HLCS: variants seen among roughly 807,000 people sequenced by gnomAD.
HLCS encodes the protein holocarboxylase synthetase.
Under a neutral mutation model 75.0 loss-of-function variants are expected in HLCS, and 53 were observed. That is an observed-to-expected ratio of 0.71 (90% confidence interval 0.57 to 0.89). HLCS has a LOEUF of 0.89. HLCS is among the 40% of genes least tolerant of loss of function. The pLI is 0.00. For synonymous variants in HLCS, 431 were observed against 428.6 expected (o/e 1.01, Z -0.07); for missense variants, 966 against 1,074.0 (o/e 0.90, Z 1.41).
intron 6 of HLCS, among the ~76,000 whole-genome samples, chr21:36,858,795 T>C (rs1290867570): frequency 6.6e-6 from 1 of 152,150 alleles, no homozygotes; most frequent in Non-Finnish European, 1.5e-5. Context: ...GGCAAGTGCC[T>C]TCCAGGTGAA....
chr21:36,851,117 A>C (rs1359511605), intron 6 of HLCS, among the ~76,000 whole-genome samples: 1 of 152,200 alleles, frequency 6.6e-6, no homozygotes, highest in Non-Finnish European at 1.5e-5. Flanking sequence ...GAAAGATATT[A>C]GGTTAAGAGC....
chr21:36,834,665 C>A (rs921815501), intron 6 of HLCS, among the ~76,000 whole-genome samples: 1 of 152,226 alleles, frequency 6.6e-6, no homozygotes, highest in Non-Finnish European at 1.5e-5. Context: ...AAGCGAGTCT[C>A]CTGCCTCAGC....
rs556013091 is a variant in HLCS, at chr21:36,936,346, C to T, written c.1437+103G>A. 1.2e-4 allele frequency: 120 copies of T among 1,042,156 alleles called. 1 individual carries two copies. In the African/African-American group the frequency reaches 1.3e-3, roughly 12 times the overall value. The allele number at this position is 1,042,156 out of a possible 1,614,324, so 64.6% of individuals were successfully genotyped here. On this transcript the variant is annotated intron_variant, in intron 4 of 10. Transcript: ENST00000674895. Reference sequence around the variant, plus strand: ...ATAGTCAAAAACAGCCCGCAGCACACGAACTCCTGAAACTTTTAAGCGTGT... The same window carrying T: ...ATAGTCAAAAACAGCCCGCAGCACATGAACTCCTGAAACTTTTAAGCGTGT...
At chr21:36,756,859 T>C in intron 9 of HLCS, 104 bp from the exon 10 acceptor site, 2 of 1,587,046 alleles carry the variant, frequency 1.3e-6, no homozygotes, top group Non-Finnish European at 1.7e-6. Context: ...ACTTCCTCCT[T>C]CCTTGTCCTC....
At chr21:36,824,055 G>A (rs952927355) in intron 6 of HLCS, among the ~76,000 whole-genome samples, 3 of 152,096 alleles carry the variant, frequency 2.0e-5, no homozygotes, top group East Asian at 1.9e-4. Context: ...CGAGGCAGGC[G>A]GATCACCTGA....
chr21:36,969,939 C>A (rs1287588761), upstream of HLCS, among the ~76,000 whole-genome samples: 1 of 152,094 alleles, frequency 6.6e-6, no homozygotes, highest in Non-Finnish European at 1.5e-5. Context: ...CAAGAATGAC[C>A]CAGCTAGCCA....
chr21:36,797,388 TTA>T (rs2061058937), intron 6 of HLCS, among the ~76,000 whole-genome samples: 3 of 151,660 alleles, frequency 2.0e-5, no homozygotes, highest in Admixed American at 2.0e-4. Flanking sequence ...GAAATAATAT[TTA>T]TTTTTTATTA....
At chr21:36,877,940 A>G (rs2064048013) in intron 6 of HLCS, among the ~76,000 whole-genome samples, 1 of 151,988 alleles carries the variant, frequency 6.6e-6, no homozygotes, top group African/African-American at 2.4e-5. Flanking sequence ...GAAAAAGTCC[A>G]CAGACATTCA....
chr21:36,830,772 T>C (rs1262489298), intron 6 of HLCS, among the ~76,000 whole-genome samples: 2 of 133,738 alleles, frequency 1.5e-5, no homozygotes, highest in African/African-American at 5.7e-5. Flanking sequence ...CAGTGAGCCA[T>C]GATGATGCCA....
chr21:36,924,539 G>T (rs941360741), intron 5 of HLCS, among the ~76,000 whole-genome samples: 1 of 152,126 alleles, frequency 6.6e-6, no homozygotes, highest in African/African-American at 2.4e-5. Context: ...CAGCCTAGGC[G>T]ACAAGAGCAA....
chr21:36,908,359 C>A (rs995910875), intron 5 of HLCS, among the ~76,000 whole-genome samples: 56 of 149,902 alleles, frequency 3.7e-4, no homozygotes, highest in African/African-American at 1.3e-3. Flanking sequence ...ACTGCACTGA[C>A]AGCCTGGGCA....
At chr21:36,983,609 G>A (rs1342632933) in intron 1 of HLCS, among the ~76,000 whole-genome samples, 7 of 151,746 alleles carry the variant, frequency 4.6e-5, no homozygotes, top group African/African-American at 1.2e-4. Flanking sequence ...AGGCTGAGGC[G>A]GGCAGATCAC....
intron 6 of HLCS, among the ~76,000 whole-genome samples, chr21:36,862,047 G>T (rs561478008): frequency 3.4e-4 from 51 of 152,236 alleles, no homozygotes; most frequent in Admixed American, 3.3e-3. Flanking sequence ...ACAACATGTG[G>T]TCTTCTTCTG....
At chr21:36,951,925 G>T (rs768451147) in intron 2 of HLCS, among the ~76,000 whole-genome samples, 1 of 152,170 alleles carries the variant, frequency 6.6e-6, no homozygotes, top group Non-Finnish European at 1.5e-5. Flanking sequence ...GAAAATATGA[G>T]TATGTGAATG....
At position 36,896,925 on chromosome 21, in the gene HLCS, G is replaced by A. The variant is rs1484525748; in HGVS notation, c.1827C>T (p.Thr609=). ...NLEIYRQNLQ[T]KQLGKVILFA... ...ACAAAATTACTTTCCCCAACTGCTT[G>A]GTCTGCAGATTTTGGCGATAGATCT... The change falls in exon 6 of 11, where the codon ACC becomes ACT. Residue 609 remains threonine, a synonymous_variant. Transcript: ENST00000674895. 1 of 1,614,058 alleles carries A rather than the reference G, an allele frequency of 6.2e-7. No individual in the cohort carries two copies. Among genetic ancestry groups the A allele is most frequent in the East Asian group, 2.2e-5 (1 of 44,882 alleles).
At chr21:36,757,948 C>T (rs567487961) in intron 9 of HLCS, among the ~76,000 whole-genome samples, 41 of 152,270 alleles carry the variant, frequency 2.7e-4, no homozygotes, top group African/African-American at 9.6e-4. Flanking sequence ...TCACTACTGG[C>T]CACTTAGGCT....
chr21:36,775,222 A>G (rs1363884984), intron 6 of HLCS, among the ~76,000 whole-genome samples: 4 of 152,224 alleles, frequency 2.6e-5, no homozygotes, highest in Admixed American at 1.3e-4. Context: ...CACGTCCAGC[A>G]TAAGAGCGTC....
intron 6 of HLCS, among the ~76,000 whole-genome samples, chr21:36,839,909 A>T (rs12627666): frequency 0.15 from 22,901 of 152,250 alleles, 1,906 homozygotes; most frequent in African/African-American, 0.22. Flanking sequence ...GGCCAAGATG[A>T]CGTAATAACA....
At position 36,754,297 on chromosome 21, in the gene HLCS, G is replaced by A. The variant is rs202028605; in HGVS notation, c.2571C>T (p.Asp857=). The A allele has an allele frequency of 3.6e-5, 58 of 1,614,082 alleles. No individual in the cohort carries two copies. The highest frequency in any genetic ancestry group is 1.4e-4 in the South Asian group (13 of 91,052). ...TTCTCAGCATGTCGAAGGAGTTGCCGTCCGGGTGCACAGTCACAACCTCGC... is the reference window on the plus strand; with the variant it reads ...TTCTCAGCATGTCGAAGGAGTTGCCATCCGGGTGCACAGTCACAACCTCGC... ...EGGEVVTVHP[D]GNSFDMLRNL... The change falls in exon 11 of 11, where the codon GAC becomes GAT. Residue 857 remains aspartate, a synonymous_variant. Coordinates refer to ENST00000674895, the MANE Select transcript of HLCS (RefSeq NM_001352514.2).
Sources: gnomAD v4.1 joint callset for allele counts (sites outside exome capture counted in the v4.1 genomes callset) on GRCh38, gnomAD v4.1.1 for gene constraint, MANE v1.5 for transcripts, NCBI Gene and HGNC (gene_info 2026-07-23, HGNC 2026-07-21) for gene names.